ROBO1: variants seen among roughly 807,000 people sequenced by gnomAD.
The protein encoded by ROBO1 is roundabout homolog 1.
In ROBO1, 149 loss-of-function variants were observed where a neutral mutation model predicts 195.9. The ratio of observed to expected loss-of-function variants is 0.76; its 90% CI spans 0.67 to 0.87. ROBO1 has a LOEUF of 0.87. Among genes scored for constraint, ROBO1 ranks in the 40% least tolerant of loss-of-function variants. The probability of loss-of-function intolerance (pLI) is 0.00; values close to 1 mark genes in which losing one functional copy is unlikely to be tolerated. For synonymous variants in ROBO1, 816 were observed against 733.2 expected (o/e 1.11, Z -1.82); for missense variants, 1,933 against 2,068.3 (o/e 0.93, Z 1.27).
intron 21 of ROBO1, 84 bp from the exon 22 acceptor site, chr3:78,639,982 C>A: frequency 8.9e-7 from 1 of 1,117,838 alleles, no homozygotes; most frequent in Non-Finnish European, 1.2e-6. Context: ...AATTCCTCAT[C>A]TTGTTATGCT....
At chr3:79,728,542 A>G (rs1703019567) in intron 1 of ROBO1, among the ~76,000 whole-genome samples, 1 of 152,204 alleles carries the variant, frequency 6.6e-6, no homozygotes, top group African/African-American at 2.4e-5. Context: ...AACTACAACA[A>G]ACTATAATTT....
intron 2 of ROBO1, among the ~76,000 whole-genome samples, chr3:79,449,911 T>C (rs986293697): frequency 2.0e-4 from 30 of 152,128 alleles, no homozygotes; most frequent in African/African-American, 6.8e-4. Context: ...TCATCCTTAT[T>C]GTACATATGA....
intron 1 of ROBO1, among the ~76,000 whole-genome samples, chr3:79,727,298 G>C (rs1425190962): frequency 6.6e-6 from 1 of 151,986 alleles, no homozygotes; most frequent in Non-Finnish European, 1.5e-5. Context: ...TTAAAAATAT[G>C]TGAAATATTT....
chr3:78,678,100 G>A (rs1447955655), intron 10 of ROBO1, among the ~76,000 whole-genome samples: 2 of 152,144 alleles, frequency 1.3e-5, no homozygotes, highest in Non-Finnish European at 2.9e-5. Context: ...AATGAAGGCA[G>A]ACATAAAGAT....
At chr3:78,971,860 G>A (rs73120663) in intron 3 of ROBO1, among the ~76,000 whole-genome samples, 2,900 of 152,050 alleles carry the variant, frequency 0.019, 47 homozygotes, top group Middle Eastern at 0.061. Flanking sequence ...TCGCCTCCTG[G>A]GCTCAAGCAA....
chr3:79,728,728 A>T (rs1415986987), intron 1 of ROBO1, among the ~76,000 whole-genome samples: 1 of 152,114 alleles, frequency 6.6e-6, no homozygotes. Flanking sequence ...AAAAGACTTA[A>T]TTTCAGTCCC....
chr3:79,385,749 A>G (rs1033006622), intron 2 of ROBO1, among the ~76,000 whole-genome samples: 1 of 152,148 alleles, frequency 6.6e-6, no homozygotes, highest in Non-Finnish European at 1.5e-5. Context: ...AATCACTCTC[A>G]GGGGAAAGAA....
chr3:78,613,198 G>A (rs1363511882), intron 28 of ROBO1, among the ~76,000 whole-genome samples: 1 of 115,718 alleles, frequency 8.6e-6, no homozygotes, highest in Non-Finnish European at 1.9e-5. Flanking sequence ...ATAAATATGT[G>A]GTAGAAAGAT....
intron 2 of ROBO1, among the ~76,000 whole-genome samples, chr3:79,373,317 G>C (rs2036268143): frequency 6.6e-6 from 1 of 151,760 alleles, no homozygotes; most frequent in South Asian, 2.1e-4. Context: ...TGTGTCTCTT[G>C]AGGGGGTTCC....
intron 4 of ROBO1, among the ~76,000 whole-genome samples, chr3:78,807,964 T>A (rs547349459): frequency 6.6e-6 from 1 of 152,310 alleles, no homozygotes; most frequent in East Asian, 1.9e-4. Context: ...CTCTGTCACA[T>A]AACAGTGATA....
chr3:79,506,910 C>T (rs1048845393), intron 2 of ROBO1, among the ~76,000 whole-genome samples: 1 of 152,060 alleles, frequency 6.6e-6, no homozygotes, highest in Admixed American at 6.5e-5. Context: ...TATCCAAACC[C>T]CAATGGAAAG....
intron 4 of ROBO1, among the ~76,000 whole-genome samples, chr3:78,811,201 G>A (rs1056780430): frequency 1.3e-5 from 2 of 152,094 alleles, no homozygotes; most frequent in African/African-American, 4.8e-5. Flanking sequence ...TGAGTCTGCT[G>A]GCTAAAGTGC....
At chr3:79,660,149 G>T (rs536482624) in intron 1 of ROBO1, among the ~76,000 whole-genome samples, 191 of 151,886 alleles carry the variant, frequency 1.3e-3, no homozygotes, top group Non-Finnish European at 1.7e-3. Context: ...GCATGATATT[G>T]CATCCGACTA....
intron 4 of ROBO1, among the ~76,000 whole-genome samples, chr3:78,840,218 GAT>G (rs2033085381): frequency 6.6e-6 from 1 of 152,144 alleles, no homozygotes; most frequent in East Asian, 1.9e-4. Flanking sequence ...AAAGGAAATA[GAT>G]ATGGTCTCAG....
intron 4 of ROBO1, among the ~76,000 whole-genome samples, chr3:78,812,679 C>A (rs1014177238): frequency 6.6e-6 from 1 of 152,028 alleles, no homozygotes; most frequent in African/African-American, 2.4e-5. Flanking sequence ...ACAGTAAGAG[C>A]AGGGATTTGA....
rs2083237228 is a variant in ROBO1 at position 78,766,705 on chromosome 3, A to G, written c.500-19805T>C. ...ATCCTTGTCTTGTTCCCGTTCTCAT[A>G]GCGAATACTTTCAGCTTCTCTTCAT... On this transcript the variant is annotated intron_variant, in intron 4 of 30. Coordinates refer to ENST00000464233, the MANE Select transcript of ROBO1 (RefSeq NM_002941.4). Among the ~76,000 whole-genome samples, 4 of 152,270 alleles carry G rather than the reference A, an allele frequency of 2.6e-5. No homozygotes were observed. In the South Asian group the frequency reaches 8.3e-4, roughly 32 times the overall value.
intron 4 of ROBO1, among the ~76,000 whole-genome samples, chr3:78,881,479 A>G (rs1337763809): frequency 6.6e-6 from 1 of 152,236 alleles, no homozygotes; most frequent in East Asian, 1.9e-4. Flanking sequence ...AATTGCAAAC[A>G]GCAACAATTA....
intron 2 of ROBO1, among the ~76,000 whole-genome samples, chr3:79,496,559 A>AT (rs747248071): frequency 1.2e-3 from 171 of 142,212 alleles, no homozygotes; most frequent in Admixed American, 2.4e-3. Context: ...AATTTTTTGT[A>AT]TTTTTTTTTA....
intron 2 of ROBO1, among the ~76,000 whole-genome samples, chr3:79,140,431 T>C (rs908840869): frequency 3.9e-5 from 6 of 152,140 alleles, no homozygotes; most frequent in African/African-American, 1.2e-4. Context: ...CATTTATTTA[T>C]ATATTATTTA....
Sources: allele counts gnomAD v4.1 joint callset (sites outside exome capture counted in the v4.1 genomes callset), GRCh38; gene constraint gnomAD v4.1.1; transcripts MANE v1.5; gene names NCBI Gene and HGNC (gene_info 2026-07-23, HGNC 2026-07-21).